The following PTPRD variants were observed in gnomAD, a reference collection of about 807,000 sequenced individuals.
The protein encoded by PTPRD is protein tyrosine phosphatase receptor type D, also known as receptor-type tyrosine-protein phosphatase delta.
In PTPRD, 34 loss-of-function variants were observed where a neutral mutation model predicts 214.5. The ratio of observed to expected loss-of-function variants is 0.16; its 90% confidence interval spans 0.12 to 0.21. The LOEUF (loss-of-function observed/expected upper bound fraction) is 0.21, where lower values mean the gene tolerates loss of function less well. Among genes scored for constraint, PTPRD ranks in the 10% least tolerant of loss-of-function variants. The pLI is 1.00. For missense variants in PTPRD, 2,545 were observed against 2,398.7 expected (o/e 1.06, Z -1.27); for synonymous variants, 1,128 against 845.7 (o/e 1.33, Z -5.79).
intron 3 of PTPRD, among the ~76,000 whole-genome samples, chr9:10,257,689 C>A (rs2093386119): frequency 6.6e-6 from 1 of 152,138 alleles, no homozygotes; most frequent in Non-Finnish European, 1.5e-5. Context: ...CTGGACCAGT[C>A]AGGCGCTCAA....
chr9:10,439,847 T>C lies in PTPRD; in HGVS notation c.-599-98830A>G, dbSNP rs538810184. ...ATTTTTCTTCTTAAATAATGTTTCT[T>C]GTTGATACATTCATTTACACTGTAC... is the stretch of plus-strand genomic sequence containing the variant. On this transcript the variant is annotated intron_variant, in intron 2 of 45. Transcript: ENST00000381196. Among the ~76,000 whole-genome samples, 5 of 151,870 alleles carry C rather than the reference T, an allele frequency of 3.3e-5. No homozygotes were observed. The East Asian group carries it at 9.7e-4, about 29-fold the overall frequency.
intron 9 of PTPRD, among the ~76,000 whole-genome samples, chr9:9,237,144 T>C (rs1193256098): frequency 6.6e-6 from 1 of 152,212 alleles, no homozygotes; most frequent in East Asian, 1.9e-4. Context: ...AGAAATCTTT[T>C]GATTTCCTTC....
intron 11 of PTPRD, among the ~76,000 whole-genome samples, chr9:8,736,872 G>T (rs1241010699): frequency 1.3e-5 from 2 of 152,038 alleles, no homozygotes; most frequent in Admixed American, 6.6e-5. Flanking sequence ...AATCTCAAAA[G>T]TTCATTGGAA....
chr9:9,326,541 T>A (rs2039982655), intron 9 of PTPRD, among the ~76,000 whole-genome samples: 1 of 151,794 alleles, frequency 6.6e-6, no homozygotes, highest in South Asian at 2.1e-4. Context: ...AAAACAAATA[T>A]TCGAACCCTT....
intron 7 of PTPRD, among the ~76,000 whole-genome samples, chr9:9,601,151 ATGG>A (rs759307233): frequency 0.19 from 13,050 of 68,412 alleles, 774 homozygotes; most frequent in Middle Eastern, 0.31. Flanking sequence ...GTGTGTGTGT[ATGG>A]GGGGGGGAGA....
intron 5 of PTPRD, among the ~76,000 whole-genome samples, chr9:9,809,093 G>T (rs1343285623): frequency 1.3e-5 from 2 of 151,742 alleles, no homozygotes; most frequent in East Asian, 1.9e-4. Context: ...GCCTGAAGAG[G>T]GCATTTAATC....
intron 2 of PTPRD, among the ~76,000 whole-genome samples, chr9:10,560,239 T>G (rs1212589063): frequency 2.0e-5 from 3 of 152,170 alleles, no homozygotes; most frequent in African/African-American, 7.2e-5. Flanking sequence ...TAAAAAATGA[T>G]GAGTTCATGT....
chr9:9,720,037 T>C (rs2097909150), intron 7 of PTPRD, among the ~76,000 whole-genome samples: 1 of 152,100 alleles, frequency 6.6e-6, no homozygotes, highest in Non-Finnish European at 1.5e-5. Flanking sequence ...TCTGTGTTGG[T>C]AGCACGAGCC....
At chr9:10,532,721 C>G (rs1277880355) in intron 2 of PTPRD, among the ~76,000 whole-genome samples, 1 of 151,116 alleles carries the variant, frequency 6.6e-6, no homozygotes, top group East Asian at 1.9e-4. Flanking sequence ...TTCTTTTAAT[C>G]AATGAGAATT....
intron 2 of PTPRD, among the ~76,000 whole-genome samples, chr9:10,516,410 T>C (rs140015085): frequency 6.6e-6 from 1 of 152,052 alleles, no homozygotes; most frequent in East Asian, 1.9e-4. Context: ...GCTCATTTTT[T>C]AATGAGGTTA....
intron 3 of PTPRD, among the ~76,000 whole-genome samples, chr9:10,268,559 A>G (rs989512817): frequency 6.6e-6 from 1 of 151,896 alleles, no homozygotes; most frequent in Non-Finnish European, 1.5e-5. Flanking sequence ...CTTCCTTTCC[A>G]CCTAACACAG....
At chr9:8,977,569 C>T (rs2099274936) in intron 11 of PTPRD, among the ~76,000 whole-genome samples, 1 of 151,920 alleles carries the variant, frequency 6.6e-6, no homozygotes, top group Non-Finnish European at 1.5e-5. Flanking sequence ...TCATCTTGAA[C>T]CCTCGAGGTT....
chr9:9,819,474 ATAACT>A (rs1211754843), intron 5 of PTPRD, among the ~76,000 whole-genome samples: 1 of 152,182 alleles, frequency 6.6e-6, no homozygotes, highest in African/African-American at 2.4e-5. Flanking sequence ...GCTGTAATAC[ATAACT>A]TACTTCTGTG....
intron 3 of PTPRD, among the ~76,000 whole-genome samples, chr9:10,225,863 A>T (rs1484083076): frequency 6.6e-6 from 1 of 152,088 alleles, no homozygotes; most frequent in Admixed American, 6.6e-5. Context: ...ATCAACATAG[A>T]TCAATCTAAT....
At chr9:8,414,489 T>C (rs991496588) in intron 35 of PTPRD, among the ~76,000 whole-genome samples, 1 of 152,140 alleles carries the variant, frequency 6.6e-6, no homozygotes, top group Non-Finnish European at 1.5e-5. Flanking sequence ...GTTTTTTTCA[T>C]TTTTTTGGTT....
chr9:8,329,043 C>G (rs1266698440), intron 44 of PTPRD, among the ~76,000 whole-genome samples: 1 of 152,126 alleles, frequency 6.6e-6, no homozygotes, highest in East Asian at 1.9e-4. Flanking sequence ...ATTTATCAAA[C>G]TCATTCTCTG....
chr9:10,152,168 G>C (rs1227969953), intron 3 of PTPRD, among the ~76,000 whole-genome samples: 1 of 152,160 alleles, frequency 6.6e-6, no homozygotes, highest in African/African-American at 2.4e-5. Flanking sequence ...CAAAGTATGA[G>C]ACTTACTGTT....
intron 2 of PTPRD, among the ~76,000 whole-genome samples, chr9:10,473,045 T>C (rs947040988): frequency 2.0e-5 from 3 of 152,100 alleles, no homozygotes; most frequent in African/African-American, 7.2e-5. Context: ...TATTTTAATG[T>C]ATATGACCAA....
chr9:8,624,538 C>T (rs2095947011), intron 14 of PTPRD, among the ~76,000 whole-genome samples: 1 of 151,796 alleles, frequency 6.6e-6, no homozygotes, highest in Non-Finnish European at 1.5e-5. Context: ...CCAGCTAGCT[C>T]AGCTTCAAAG....
Sources: allele counts gnomAD v4.1 joint callset (sites outside exome capture counted in the v4.1 genomes callset), GRCh38; gene constraint gnomAD v4.1.1; transcripts MANE v1.5; gene names NCBI Gene and HGNC (gene_info 2026-07-23, HGNC 2026-07-21).